The following GIMAP8 variants were observed in gnomAD, a reference collection of about 807,000 sequenced individuals.
GIMAP8 encodes GTPase IMAP family member 8.
A neutral mutation model predicts 35.6 loss-of-function variants in GIMAP8; 29 were observed. The ratio of observed to expected loss-of-function variants is 0.81; its 90% CI spans 0.61 to 1.11. GIMAP8 has a LOEUF of 1.11. Ranked by LOEUF, GIMAP8 falls within the 50% of genes most tolerant of loss-of-function variation. GIMAP8 has a pLI of 0.00. For missense variants in GIMAP8, 811 were observed against 805.0 expected, an observed-to-expected ratio of 1.01 and a Z score of -0.09; for synonymous variants, 335 against 308.7, an observed-to-expected ratio of 1.09 and a Z score of -0.89.
intron 1 of GIMAP8, among the ~76,000 whole-genome samples, chr7:150,465,986 G>A (rs1203034049): frequency 2.0e-5 from 3 of 152,176 alleles, no homozygotes; most frequent in African/African-American, 7.2e-5. Context: ...CTCAGCTAAT[G>A]CGTGCAGAGC....
intron 1 of GIMAP8, among the ~76,000 whole-genome samples, chr7:150,465,342 T>C (rs961813883): frequency 6.6e-6 from 1 of 152,118 alleles, no homozygotes; most frequent in Non-Finnish European, 1.5e-5. Context: ...ACTAAGTTTT[T>C]AAAGAGAGGA....
rs190313432 is a variant in GIMAP8 at position 150,459,431 on chromosome 7, T to C, written c.-28-7240T>C. 2.6e-3 allele frequency among the ~76,000 whole-genome samples: 399 copies of C among 152,278 alleles called. 2 individuals are homozygous for C. The highest frequency in any genetic ancestry group is 9.3e-3 in the African/African-American group (386 of 41,566). On this transcript the variant is annotated intron_variant, in intron 1 of 4. Transcript: ENST00000307271. ...AAGACCTCTAGGCCAGCATAAGACC[T>C]TGAGGATGCGAAGTAAAAATGTTGC...
chr7:150,455,171 C>T (rs1415067902), intron 1 of GIMAP8, among the ~76,000 whole-genome samples: 7 of 147,534 alleles, frequency 4.7e-5, no homozygotes, highest in African/African-American at 1.7e-4. Context: ...AAACAAAAAA[C>T]TGGTCAACAA....
At chr7:150,466,538 C>G in intron 1 of GIMAP8, 133 bp from the exon 2 acceptor site, 1 of 696,324 alleles carries the variant, frequency 1.4e-6, no homozygotes, top group East Asian at 2.7e-5. Flanking sequence ...CTAATCTAGT[C>G]TGGGTCTAGA....
chr7:150,475,892 T>C (rs1427225106), intron 4 of GIMAP8, among the ~76,000 whole-genome samples: 2 of 152,254 alleles, frequency 1.3e-5, no homozygotes, highest in Middle Eastern at 3.4e-3. Flanking sequence ...ATGTCACTTG[T>C]TAGGGGACAA....
intron 1 of GIMAP8, among the ~76,000 whole-genome samples, chr7:150,465,915 C>T (rs145146278): frequency 8.5e-4 from 130 of 152,304 alleles, no homozygotes; most frequent in African/African-American, 3.0e-3. Flanking sequence ...GTAGGTAATA[C>T]CGCTTCTATC....
chr7:150,451,624 G>A lies in GIMAP8; in HGVS notation c.-29+449G>A, dbSNP rs4302764. Among the ~76,000 whole-genome samples the A allele has an allele frequency of 1.3e-5, 2 of 151,936 alleles. No individual in the cohort carries two copies. Among genetic ancestry groups the A allele is most frequent in the Non-Finnish European group, 2.9e-5 (2 of 67,976 alleles). ...GAGGAAGAAGCAGGCGGAAGCAGCC[G>A]GTCAGATGCCCCATGAAGCTAGATG... On this transcript the variant is annotated intron_variant, in intron 1 of 4. Transcript: ENST00000307271. This position sits in a 1 kb window ranked among gnomAD's most constrained non-coding sequence, Gnocchi z 4.1.
In GIMAP8 at chr7:150,473,977, G is replaced by T. The variant is rs201606835; in HGVS notation, c.683-35G>T. On this transcript the variant is annotated intron_variant, in intron 3 of 4. Transcript: ENST00000307271. ...CTGCCCACATCCATATTCAACTGCAGGAAGAGACTCTGAACCTGTCCATTT... is the reference window on the plus strand; with the variant it reads ...CTGCCCACATCCATATTCAACTGCATGAAGAGACTCTGAACCTGTCCATTT... 3 of 1,573,244 alleles carry T rather than the reference G, an allele frequency of 1.9e-6. No individual in the cohort carries two copies. In the African/African-American group the frequency reaches 4.1e-5, roughly 22 times the overall value.
chr7:150,470,008 A>G lies in GIMAP8; in HGVS notation c.637-821A>G, dbSNP rs142379028. Among the ~76,000 whole-genome samples, 390 of 152,362 alleles carry G rather than the reference A, an allele frequency of 2.6e-3. 2 individuals carry two copies. The highest frequency in any genetic ancestry group is 8.9e-3 in the African/African-American group (371 of 41,578). On this transcript the variant is annotated intron_variant, in intron 2 of 4. Coordinates refer to ENST00000307271, the MANE Select transcript of GIMAP8 (RefSeq NM_175571.4). ...TTGTATGAACATAGAAAAAGATAGA[A>G]GTATATATACCAGTTAACAACTGTT...
intron 1 of GIMAP8, among the ~76,000 whole-genome samples, chr7:150,464,582 G>A (rs1247854158): frequency 6.6e-6 from 1 of 152,102 alleles, no homozygotes; most frequent in East Asian, 1.9e-4. Context: ...TAATCTGGAG[G>A]TCGAGGCAGG....
chr7:150,477,222 C>T lies in GIMAP8; in HGVS notation c.1440C>T (p.Gly480=), dbSNP rs747115766. ...CAGTCACCAAGACCAGCCAGAGTGG[C>T]AGGAGGACATGGGACGGACAGGAGG... is the stretch of plus-strand genomic sequence containing the variant. ...AQPVTKTSQS[G]RRTWDGQEVV... is the part of the protein sequence containing the mutation. Residue 480 remains glycine (G), a synonymous_variant, in exon 5 of 5, where the codon GGC becomes GGT. Coordinates refer to ENST00000307271, the MANE Select transcript of GIMAP8 (RefSeq NM_175571.4). 1 of 1,614,102 alleles carries T rather than the reference C, an allele frequency of 6.2e-7. No homozygotes were observed. Among genetic ancestry groups the T allele is most frequent in the South Asian group, 1.1e-5 (1 of 91,082 alleles).
chr7:150,456,533 C>T (rs1011606958), intron 1 of GIMAP8, among the ~76,000 whole-genome samples: 4 of 152,206 alleles, frequency 2.6e-5, no homozygotes, highest in African/African-American at 9.7e-5. Flanking sequence ...GACCCTCCTA[C>T]AGACCACTGA....
At chr7:150,471,859 G>C (rs1802100648) in intron 3 of GIMAP8, among the ~76,000 whole-genome samples, 1 of 151,714 alleles carries the variant, frequency 6.6e-6, no homozygotes, top group Non-Finnish European at 1.5e-5. Flanking sequence ...AATTGCAGCT[G>C]ACATTATGTC....
intron 1 of GIMAP8, among the ~76,000 whole-genome samples, chr7:150,463,452 G>GT (rs1199397162): frequency 6.6e-6 from 1 of 152,188 alleles, no homozygotes; most frequent in Non-Finnish European, 1.5e-5. Context: ...TGCATCTGGT[G>GT]TAACAGTTGC....
At chr7:150,466,207 T>G (rs1241160856) in intron 1 of GIMAP8, among the ~76,000 whole-genome samples, 1 of 152,242 alleles carries the variant, frequency 6.6e-6, no homozygotes, top group African/African-American at 2.4e-5. Context: ...TATAGGGCAA[T>G]GCTTCCCAAA....
chr7:150,461,615 G>C (rs1295714104), intron 1 of GIMAP8, among the ~76,000 whole-genome samples: 1 of 152,154 alleles, frequency 6.6e-6, no homozygotes, highest in Non-Finnish European at 1.5e-5. Flanking sequence ...TACAGAGGAA[G>C]TGAATTTCTT....
intron 1 of GIMAP8, among the ~76,000 whole-genome samples, chr7:150,461,445 C>T (rs1250424020): frequency 3.9e-5 from 6 of 152,154 alleles, no homozygotes; most frequent in Non-Finnish European, 7.4e-5. Context: ...CTCTCTTGCT[C>T]AGTTGATCTA....
intron 2 of GIMAP8, 80 bp from the exon 3 acceptor site, chr7:150,470,746 CTTT>C (rs765100972): frequency 4.1e-3 from 1,921 of 465,386 alleles, no homozygotes; most frequent in Middle Eastern, 5.2e-3. Context: ...CTTCAATTTC[CTTT>C]TTTTTTTTTT....
rs1166416516 is a variant in GIMAP8, at chr7:150,451,983, G to A, written c.-29+808G>A. Among the ~76,000 whole-genome samples the A allele has an allele frequency of 6.6e-6, 1 of 152,200 alleles. No individual in the cohort carries two copies. The highest frequency in any genetic ancestry group is 1.5e-5 in the Non-Finnish European group (1 of 68,040). Reference sequence around the variant, plus strand: ...ACCCTGCTCTGTAAGTGGGAACTGCGATTAGATGTGGGATGAATCCCCGCA... The same window carrying A: ...ACCCTGCTCTGTAAGTGGGAACTGCAATTAGATGTGGGATGAATCCCCGCA... On this transcript the variant is annotated intron_variant, in intron 1 of 4. Transcript: ENST00000307271. This position sits in a 1 kb window ranked among gnomAD's most constrained non-coding sequence, Gnocchi z 4.1.
Sources: gnomAD v4.1 joint callset for allele counts (sites outside exome capture counted in the v4.1 genomes callset) on GRCh38, gnomAD v4.1.1 for gene constraint, Gnocchi (gnomAD v3.1) non-coding constraint, MANE v1.5 for transcripts, NCBI Gene and HGNC (gene_info 2026-07-23, HGNC 2026-07-21) for gene names.